The following CLMN variants were observed in gnomAD, a reference collection of about 807,000 sequenced individuals.
CLMN encodes calmin, also known as calmin (calponin-like, transmembrane).
A neutral mutation model predicts 92.7 loss-of-function variants in CLMN; 57 were observed. The observed-to-expected ratio is 0.61, with a 90% CI of 0.50 to 0.77. The LOEUF (loss-of-function observed/expected upper bound fraction) is 0.77. Among genes scored for constraint, CLMN ranks in the 30% least tolerant of loss-of-function variants. The pLI, the probability that CLMN is intolerant of heterozygous loss-of-function variation, is 0.00. For missense variants in CLMN, 1,158 were observed against 1,237.5 expected, an observed-to-expected ratio of 0.94 and a Z score of 0.96; for synonymous variants, 466 against 470.6, an observed-to-expected ratio of 0.99 and a Z score of 0.13.
At chr14:95,292,673 G>A (rs997227778) in intron 1 of CLMN, among the ~76,000 whole-genome samples, 3 of 152,156 alleles carry the variant, frequency 2.0e-5, no homozygotes, top group Non-Finnish European at 4.4e-5. Context: ...CAGGCTGGTG[G>A]TAGGGGAGGG....
intron 2 of CLMN, among the ~76,000 whole-genome samples, chr14:95,224,685 C>A (rs143022718): frequency 2.0e-5 from 3 of 152,166 alleles, no homozygotes; most frequent in African/African-American, 7.2e-5. Flanking sequence ...TTCCTGTATC[C>A]GGCCACAAGG....
chr14:95,237,502 G>T (rs909548747), intron 1 of CLMN, among the ~76,000 whole-genome samples: 2 of 152,242 alleles, frequency 1.3e-5, no homozygotes, highest in Non-Finnish European at 2.9e-5. Context: ...CCACTGGGAG[G>T]ATCATTTGAG....
At chr14:95,266,122 T>C (rs1053492422) in intron 1 of CLMN, among the ~76,000 whole-genome samples, 32 of 152,256 alleles carry the variant, frequency 2.1e-4, no homozygotes, top group Admixed American at 2.0e-3. Context: ...GAATTGAAAG[T>C]CTTTCCTCTA....
chr14:95,258,921 T>G, intron 1 of CLMN, among the ~76,000 whole-genome samples: 1 of 151,446 alleles, frequency 6.6e-6, no homozygotes, highest in Non-Finnish European at 1.5e-5. Flanking sequence ...GGAGGATATG[T>G]GTATATGTGT....
chr14:95,194,002 A>T lies in CLMN; in HGVS notation c.2770-83T>A, dbSNP rs1896628610. 6.3e-7 allele frequency: 1 copy of T among 1,577,114 alleles called. No homozygotes were observed. Among genetic ancestry groups the T allele is most frequent in the African/African-American group, 1.4e-5 (1 of 73,118 alleles). ...CTGAAACAGAAGATAAAACGATTTT[A>T]AACACACAAAGCCGAGCATGCCGGG... is the stretch of plus-strand genomic sequence containing the variant. On this transcript the variant is annotated intron_variant, in intron 11 of 12. Transcript: ENST00000298912. The surrounding 1 kb of genome is among the most constrained non-coding windows in gnomAD (Gnocchi z 4.0).
At chr14:95,195,508 A>G (rs1896683981) in intron 10 of CLMN, among the ~76,000 whole-genome samples, 2 of 152,212 alleles carry the variant, frequency 1.3e-5, no homozygotes, top group Admixed American at 1.3e-4. Context: ...CTCTGTCTGT[A>G]TGGGCTTCTC....
At position 95,191,903 on chromosome 14, in the gene CLMN, T is replaced by A; in HGVS notation, c.2841-171A>T. On this transcript the variant is annotated intron_variant, in intron 12 of 12. Transcript: ENST00000298912. The surrounding 1 kb of genome is among the most constrained non-coding windows in gnomAD (Gnocchi z 5.3). ...CACTGTGTGTACTGGCCCAAGGCAG[T>A]GCGTCGGGCCATCCAGGCAGCCCCT... The A allele has an allele frequency of 1.9e-6, 1 of 540,110 alleles. No homozygotes were observed. The highest frequency in any genetic ancestry group is 3.2e-5 in the East Asian group (1 of 31,378). The allele number at this position is 540,110 out of a possible 1,614,324, so 33.5% of individuals were successfully genotyped here. A position where few individuals can be genotyped will look rare whatever the true frequency, so the allele number is the denominator to read the frequency against.
chr14:95,217,814 G>A (rs1897400214), intron 4 of CLMN, among the ~76,000 whole-genome samples: 1 of 152,228 alleles, frequency 6.6e-6, no homozygotes, highest in Non-Finnish European at 1.5e-5. Flanking sequence ...GCCTTGTAGG[G>A]GTGCCGTAAA....
rs944367913 is a variant in CLMN, at chr14:95,235,634, G to A, written c.83-5501C>T. On this transcript the variant is annotated intron_variant, in intron 1 of 12. Coordinates refer to ENST00000298912, the MANE Select transcript of CLMN (RefSeq NM_024734.4). ...AGGGCTCTTCCTGACAATGGCCATC[G>A]GCAAATGGCTTTAGTCACTGAATTC... 3.9e-5 allele frequency among the ~76,000 whole-genome samples: 6 copies of A among 152,260 alleles called. No individual in the cohort carries two copies. In the East Asian group the frequency reaches 5.8e-4, roughly 15 times the overall value.
At chr14:95,233,760 G>C (rs556470886) in intron 1 of CLMN, among the ~76,000 whole-genome samples, 4 of 152,324 alleles carry the variant, frequency 2.6e-5, no homozygotes, top group African/African-American at 9.6e-5. Flanking sequence ...ATTGGAACAA[G>C]GCGGGGGGTG....
chr14:95,291,104 A>T (rs1324634188), intron 1 of CLMN, among the ~76,000 whole-genome samples: 1 of 152,232 alleles, frequency 6.6e-6, no homozygotes, highest in African/African-American at 2.4e-5. Flanking sequence ...GGGCAAGAAC[A>T]ATTTAAAAAG....
At chr14:95,304,023 G>A (rs1411749523) in intron 1 of CLMN, among the ~76,000 whole-genome samples, 12 of 152,162 alleles carry the variant, frequency 7.9e-5, no homozygotes, top group African/African-American at 2.4e-4. Flanking sequence ...CAGTGGTCAC[G>A]GATTTGGCAA....
intron 1 of CLMN, among the ~76,000 whole-genome samples, chr14:95,282,162 C>A (rs1900166583): frequency 1.3e-5 from 2 of 152,292 alleles, no homozygotes; most frequent in South Asian, 2.1e-4. Flanking sequence ...ACACCATGTA[C>A]AAAAAGAATG....
chr14:95,253,009 G>A (rs1473501276), intron 1 of CLMN, among the ~76,000 whole-genome samples: 1 of 152,190 alleles, frequency 6.6e-6, no homozygotes, highest in Non-Finnish European at 1.5e-5. Context: ...TACTTCTGAT[G>A]GAATGATAGA....
chr14:95,242,682 C>A (rs917364198), intron 1 of CLMN, among the ~76,000 whole-genome samples: 2 of 152,182 alleles, frequency 1.3e-5, no homozygotes, highest in East Asian at 3.9e-4. Flanking sequence ...ATTCTCCTGC[C>A]TCAGCCTCCC....
intron 1 of CLMN, among the ~76,000 whole-genome samples, chr14:95,255,053 T>G (rs1232678653): frequency 2.6e-5 from 4 of 152,088 alleles, no homozygotes; most frequent in Non-Finnish European, 4.4e-5. Context: ...GACAGTGTTC[T>G]TATAAGAAGA....
chr14:95,252,448 C>CA (rs1898827678), intron 1 of CLMN, among the ~76,000 whole-genome samples: 1 of 152,298 alleles, frequency 6.6e-6, no homozygotes, highest in Middle Eastern at 3.4e-3. Context: ...TCTGAATGAG[C>CA]ACCTTGAATG....
At chr14:95,236,209 G>A (rs1898050046) in intron 1 of CLMN, among the ~76,000 whole-genome samples, 6 of 152,206 alleles carry the variant, frequency 3.9e-5, no homozygotes, top group Admixed American at 3.9e-4. Flanking sequence ...TCAGTGAAAC[G>A]CCAGGATTTG....
chr14:95,212,543 A>G (rs1395018849), intron 6 of CLMN, among the ~76,000 whole-genome samples: 1 of 152,156 alleles, frequency 6.6e-6, no homozygotes, highest in Non-Finnish European at 1.5e-5. Context: ...AACTTTGAGT[A>G]TGTTACAGCC....
Sources: allele counts gnomAD v4.1 joint callset (sites outside exome capture counted in the v4.1 genomes callset), GRCh38; gene constraint gnomAD v4.1.1; non-coding constraint Gnocchi (gnomAD v3.1); transcripts MANE v1.5; gene names NCBI Gene and HGNC (gene_info 2026-07-23, HGNC 2026-07-21).